The following MYO10 variants were observed in gnomAD, a reference collection of about 807,000 sequenced individuals.
The protein encoded by MYO10 is myosin X, also known as unconventional myosin-X.
MYO10 carries 133 observed loss-of-function variants against 257.3 expected under a neutral mutation model. That is an observed-to-expected ratio of 0.52 (90% confidence interval 0.45 to 0.60). The LOEUF is 0.60. Among genes scored for constraint, MYO10 ranks in the 20% least tolerant of loss-of-function variants. The pLI is 0.00. For synonymous variants in MYO10, 1,104 were observed against 1,028.6 expected, an observed-to-expected ratio of 1.07 and a Z score of -1.40; for missense variants, 2,399 against 2,635.7, an observed-to-expected ratio of 0.91 and a Z score of 1.97.
In MYO10 at chr5:16,673,747, T is replaced by C; in HGVS notation, c.5107A>G (p.Thr1703Ala). Residue 1703 changes from threonine (T) to alanine (A), a missense_variant, in exon 36 of 41, where the codon ACG (threonine) becomes GCG (alanine). Transcript: ENST00000513610. The stretch of plus-strand genomic sequence containing the variant: ...GAGCCGCCGCCATGGCAATAGACCG[T>C]GGATGTCATTTCCTGCCTGTGGATC... ...ALIHRQEMTSTVYCHGGGSCK... is the reference protein window; with the variant it reads ...ALIHRQEMTSAVYCHGGGSCK... The C allele has an allele frequency of 6.2e-7, 1 of 1,613,974 alleles. No homozygotes were observed. Among genetic ancestry groups the C allele is most frequent in the East Asian group, 2.2e-5 (1 of 44,870 alleles).
intron 3 of MYO10, among the ~76,000 whole-genome samples, chr5:16,802,614 G>A (rs1345209593): frequency 3.5e-5 from 5 of 141,552 alleles, no homozygotes; most frequent in South Asian, 2.2e-4. Context: ...CTGAGATCAC[G>A]CCACTGCACT....
chr5:16,678,381 TC>T (rs1287485375), intron 33 of MYO10, among the ~76,000 whole-genome samples: 2 of 151,496 alleles, frequency 1.3e-5, no homozygotes, highest in Admixed American at 6.6e-5. Flanking sequence ...GGAGTTGGAG[TC>T]TAGCCTGGCC....
At chr5:16,822,003 G>C (rs1341275657) in intron 2 of MYO10, among the ~76,000 whole-genome samples, 3 of 151,210 alleles carry the variant, frequency 2.0e-5, no homozygotes, top group Non-Finnish European at 2.9e-5. Flanking sequence ...AAGAATAGTA[G>C]AGAAAAATGT....
In MYO10 at chr5:16,668,289, A is replaced by T; in HGVS notation, c.6063T>A (p.Phe2021Leu). ...CTTTGCCTCTTACCTCACTGGTTTCAAAGAGCAGCTCCCTCTCATCGACCA... is the reference window on the plus strand; with the variant it reads ...CTTTGCCTCTTACCTCACTGGTTTCTAAGAGCAGCTCCCTCTCATCGACCA... ...KIVVDERELL[F>L]ETSEVVDVAK... The change falls in exon 40 of 41, where the codon TTT (phenylalanine) becomes TTA (leucine). Residue 2021 changes from phenylalanine to leucine, a missense_variant. Physicochemically the swap from Phe to Leu is conservative, Grantham distance 22. Coordinates refer to ENST00000513610, the MANE Select transcript of MYO10 (RefSeq NM_012334.3). 1 of 1,609,872 alleles carries T rather than the reference A, an allele frequency of 6.2e-7. No individual in the cohort carries two copies. The highest frequency in any genetic ancestry group is 8.5e-7 in the Non-Finnish European group (1 of 1,178,606).
At chr5:16,903,353 G>A (rs150210081) in intron 1 of MYO10, among the ~76,000 whole-genome samples, 159 of 152,284 alleles carry the variant, frequency 1.0e-3, no homozygotes, top group African/African-American at 3.6e-3. Context: ...TGCATGCAGC[G>A]AGCTGAGATC....
At chr5:16,892,122 C>T (rs759022378) in intron 1 of MYO10, among the ~76,000 whole-genome samples, 1 of 151,810 alleles carries the variant, frequency 6.6e-6, no homozygotes, top group Non-Finnish European at 1.5e-5. Context: ...AGAAACCATG[C>T]TACCAAGAGA....
At position 16,795,466 on chromosome 5, in the gene MYO10, T is replaced by C. The variant is rs1437167346; in HGVS notation, c.280-633A>G. Among the ~76,000 whole-genome samples the C allele has an allele frequency of 3.3e-5, 5 of 151,932 alleles. 1 individual carries two copies. The South Asian group carries it at 8.3e-4, about 25-fold the overall frequency. The stretch of plus-strand genomic sequence containing the variant: ...TAAAAATACAAAAATTAGCCAGGCA[T>C]GGTGATGCCTGCCTGTAATCCCTAC... On this transcript the variant is annotated intron_variant, in intron 3 of 40. Coordinates refer to ENST00000513610, the MANE Select transcript of MYO10 (RefSeq NM_012334.3).
chr5:16,922,786 T>A (rs1024441042), intron 1 of MYO10, among the ~76,000 whole-genome samples: 2 of 152,200 alleles, frequency 1.3e-5, no homozygotes, highest in African/African-American at 4.8e-5. Flanking sequence ...ATTCCAGCAC[T>A]CTGGGACGCT....
intron 4 of MYO10, among the ~76,000 whole-genome samples, chr5:16,787,535 C>T (rs31569): frequency 0.69 from 103,967 of 150,054 alleles, 36,114 homozygotes; most frequent in Middle Eastern, 0.74. Context: ...GGCCAGCCAA[C>T]ACAAACACAG....
chr5:16,823,285 A>G, intron 2 of MYO10, among the ~76,000 whole-genome samples: 1 of 149,138 alleles, frequency 6.7e-6, no homozygotes, highest in Admixed American at 6.7e-5. Flanking sequence ...TCACTACTAA[A>G]AACACAAAAA....
intron 9 of MYO10, among the ~76,000 whole-genome samples, chr5:16,775,911 T>G (rs1741197208): frequency 7.1e-6 from 1 of 141,690 alleles, no homozygotes; most frequent in East Asian, 2.1e-4. Context: ...TTTTTTTATT[T>G]TTGAGATGGG....
At chr5:16,724,711 CCCCA>C (rs1447719939) in intron 19 of MYO10, among the ~76,000 whole-genome samples, 1 of 151,810 alleles carries the variant, frequency 6.6e-6, no homozygotes, top group African/African-American at 2.4e-5. Context: ...ATCTCTTTTT[CCCCA>C]CTAACTAATT....
chr5:16,715,301 C>T (rs2126586557), intron 19 of MYO10, among the ~76,000 whole-genome samples: 1 of 150,730 alleles, frequency 6.6e-6, no homozygotes, highest in African/African-American at 2.4e-5. Context: ...GCTCTAGCTA[C>T]ATATATGCGT....
chr5:16,718,165 C>G (rs963285003), intron 19 of MYO10, among the ~76,000 whole-genome samples: 1 of 152,240 alleles, frequency 6.6e-6, no homozygotes, highest in African/African-American at 2.4e-5. Context: ...CTCTGTTTCT[C>G]GCTGGGCCTT....
intron 16 of MYO10, 41 bp from the exon 17 acceptor site, chr5:16,761,587 A>C: frequency 1.4e-6 from 2 of 1,479,468 alleles, no homozygotes; most frequent in Non-Finnish European, 1.9e-6. Context: ...TGATTGAAAG[A>C]ATAGTTTCAG....
In MYO10 at chr5:16,684,028, C is replaced by G. The variant is rs546399534; in HGVS notation, c.3991-93G>C. 4.1e-4 allele frequency: 468 copies of G among 1,141,860 alleles called. 5 individuals are homozygous for G. The South Asian group carries it at 5.2e-3, about 13-fold the overall frequency. The allele number at this position is 1,141,860 out of a possible 1,614,324, so 70.7% of individuals were successfully genotyped here. On this transcript the variant is annotated intron_variant, in intron 29 of 40. Transcript: ENST00000513610. ...CTCTAGCCCACAACTCCCAATCAGA[C>G]AGAAAAGGCTCTTTTCTTTTTAACT...
chr5:16,708,581 A>C (rs1738451399), intron 21 of MYO10, among the ~76,000 whole-genome samples: 1 of 152,094 alleles, frequency 6.6e-6, no homozygotes, highest in African/African-American at 2.4e-5. Context: ...TTTGTTTTTG[A>C]GACAAGGTTT....
chr5:16,683,552 C>A (rs1326607533), intron 30 of MYO10, among the ~76,000 whole-genome samples: 4 of 152,202 alleles, frequency 2.6e-5, no homozygotes, highest in African/African-American at 9.6e-5. Flanking sequence ...GCTGGAATAT[C>A]ATTTTCCTAA....
rs1455930297 is a variant in MYO10 at position 16,702,552 on chromosome 5, G to A, written c.2547C>T (p.Arg849=). The change falls in exon 24 of 41, where the codon CGC becomes CGT. Residue 849 remains arginine, a synonymous_variant. Coordinates refer to ENST00000513610, the MANE Select transcript of MYO10 (RefSeq NM_012334.3). ...TCACTGCACTCATTACCTGCTGGGC[G>A]CGGAGCTCGGCTTCTCTTCGCTCTC... ...RERERREAEL[R]AQQEEETRKQ... 1.6e-5 allele frequency: 25 copies of A among 1,591,306 alleles called. No homozygotes were observed. Among genetic ancestry groups the A allele is most frequent in the Middle Eastern group, 1.7e-4 (1 of 6,034 alleles).
Sources: allele counts gnomAD v4.1 joint callset (sites outside exome capture counted in the v4.1 genomes callset), GRCh38; gene constraint gnomAD v4.1.1; transcripts MANE v1.5; gene names NCBI Gene and HGNC (gene_info 2026-07-23, HGNC 2026-07-21).